Variants in HDGFL2 observed in about 807,000 individuals in gnomAD.
HDGFL2 encodes hepatoma-derived growth factor-related protein 2.
A neutral mutation model predicts 77.1 loss-of-function variants in HDGFL2; 36 were observed. That is an observed-to-expected ratio of 0.47 (90% confidence interval 0.36 to 0.62). HDGFL2 has a LOEUF of 0.62. Among genes scored for constraint, HDGFL2 ranks in the 20% least tolerant of loss-of-function variants. HDGFL2 has a pLI of 0.00. For synonymous variants in HDGFL2, 463 were observed against 413.1 expected (o/e 1.12, Z -1.46); for missense variants, 976 against 973.4 (o/e 1.00, Z -0.04).
In HDGFL2 at chr19:4,475,429, C is replaced by T. The variant is rs146134307; in HGVS notation, c.150-16C>T. 7.0e-5 allele frequency: 113 copies of T among 1,613,880 alleles called. No homozygotes were observed. The African/African-American group carries it at 7.7e-4, about 11-fold the overall frequency. On this transcript the variant is annotated splice_polypyrimidine_tract_variant and intron_variant, in intron 2 of 15. Coordinates refer to ENST00000616600, the MANE Select transcript of HDGFL2 (RefSeq NM_001001520.3). ...GCCTCACTCACCTGGGACTGGCCCC[C>T]GTTTCCCTTCTCCAGAGCCTTCCTG...
chr19:4,480,484 C>T (rs1406156487), intron 3 of HDGFL2, among the ~76,000 whole-genome samples: 2 of 152,156 alleles, frequency 1.3e-5, no homozygotes, highest in Admixed American at 6.5e-5. Context: ...TTTGGGAGGC[C>T]GAGGCAGGTG....
Position 4,494,394 on chromosome 19 carries a change from C to T in HDGFL2, c.1143C>T (p.Val381=), listed in dbSNP as rs1975644151. The T allele has an allele frequency of 7.1e-7, 1 of 1,403,564 alleles. No homozygotes were observed. Among genetic ancestry groups the T allele is most frequent in the Non-Finnish European group, 9.2e-7 (1 of 1,083,204 alleles). 86.9% of individuals were successfully genotyped at this position (1,403,564 alleles called of 1,614,324 possible). ...GDELREDDEP[V]KKRGRKGRGR... is the part of the protein sequence containing the mutation. ...AGCTCAGGGAGGACGATGAGCCCGT[C>T]AAGAAGCGGGGACGCAAGGGCCGGG... The change falls in exon 9 of 16, where the codon GTC becomes GTT. Residue 381 remains valine, a synonymous_variant. Transcript: ENST00000616600.
chr19:4,497,194 G>GT (rs1975727672), intron 10 of HDGFL2: 1 of 432,422 alleles, frequency 2.3e-6, no homozygotes, highest in African/African-American at 2.6e-5. Flanking sequence ...TTTTGTTTTT[G>GT]TTTTTGTTTT....
chr19:4,487,201 C>T (rs561725865), intron 3 of HDGFL2, among the ~76,000 whole-genome samples: 1 of 152,218 alleles, frequency 6.6e-6, no homozygotes, highest in African/African-American at 2.4e-5. Flanking sequence ...CTCCTGACCT[C>T]GTGTTCCACC....
intron 11 of HDGFL2, 116 bp downstream of exon 11, chr19:4,498,147 G>T (rs554175838): frequency 3.3e-6 from 4 of 1,197,268 alleles, no homozygotes; most frequent in African/African-American, 3.0e-5. Flanking sequence ...GCACATCCTC[G>T]GCCGGCCTGG....
chr19:4,491,261 ACCCCC>A (rs1568211761), intron 4 of HDGFL2, among the ~76,000 whole-genome samples: 1 of 22,700 alleles, frequency 4.4e-5, no homozygotes, highest in Non-Finnish European at 8.6e-5. Flanking sequence ...CCACCCCCCC[ACCCCC>A]CCACCCCCCC....
chr19:4,474,041 G>A (rs1188627557), intron 1 of HDGFL2, among the ~76,000 whole-genome samples: 1 of 152,076 alleles, frequency 6.6e-6, no homozygotes, highest in African/African-American at 2.4e-5. Context: ...TCCCAGGTGT[G>A]GAGGGGGTGA....
At chr19:4,488,949 G>A in intron 4 of HDGFL2, 73 bp downstream of exon 4, 1 of 1,042,886 alleles carries the variant, frequency 9.6e-7, no homozygotes, top group Non-Finnish European at 1.3e-6. Flanking sequence ...TTGCTCTCCT[G>A]CCCTTTTTTT....
Position 4,498,937 on chromosome 19 carries a change from C to T in HDGFL2, c.1575+22C>T, listed in dbSNP as rs539407286. On this transcript the variant is annotated intron_variant, in intron 13 of 15. Coordinates refer to ENST00000616600, the MANE Select transcript of HDGFL2 (RefSeq NM_001001520.3). Reference sequence around the variant, plus strand: ...GAAGGTATGGCGGGGGAATCAGAGGCGCAGGGTGCAGTCGGGGGAGCTGGG... The same window carrying T: ...GAAGGTATGGCGGGGGAATCAGAGGTGCAGGGTGCAGTCGGGGGAGCTGGG... 73 of 1,536,792 alleles carry T rather than the reference C, an allele frequency of 4.8e-5. No individual in the cohort carries two copies. The Middle Eastern group carries it at 7.0e-4, about 15-fold the overall frequency.
Position 4,498,000 on chromosome 19 carries a change from C to T in HDGFL2, c.1371C>T (p.Phe457=), listed in dbSNP as rs192383970. 1 of 1,556,700 alleles carries T rather than the reference C, an allele frequency of 6.4e-7. No individual in the cohort carries two copies. The highest frequency in any genetic ancestry group is 8.7e-7 in the Non-Finnish European group (1 of 1,149,822). Residue 457 remains phenylalanine, a synonymous_variant, in exon 11 of 16, where the codon TTC becomes TTT. Coordinates refer to ENST00000616600, the MANE Select transcript of HDGFL2 (RefSeq NM_001001520.3). ...VERTRKRSEG[F]SMDRKVEKKK... ...GGACCCGGAAGCGGTCCGAGGGCTT[C>T]TCGATGGACAGGAAGGTAGAGAAGA...
In HDGFL2 at chr19:4,499,483, G is replaced by A. The variant is rs752931820; in HGVS notation, c.1576-8G>A. On this transcript the variant is annotated splice_polypyrimidine_tract_variant and splice_region_variant and intron_variant, in intron 13 of 15. Coordinates refer to ENST00000616600, the MANE Select transcript of HDGFL2 (RefSeq NM_001001520.3). ...TGGGTGAGCCAGGCCTCTTCTCTTG[G>A]TGGCCAGATTCGCCGTTACAAAGCG... The A allele has an allele frequency of 2.5e-5, 41 of 1,611,378 alleles. No homozygotes were observed. The highest frequency in any genetic ancestry group is 3.4e-5 in the Non-Finnish European group (40 of 1,178,700).
At chr19:4,479,898 T>A (rs1975170638) in intron 3 of HDGFL2, among the ~76,000 whole-genome samples, 1 of 137,832 alleles carries the variant, frequency 7.3e-6, no homozygotes, top group African/African-American at 2.7e-5. Flanking sequence ...AGAATGAGAC[T>A]CTGTCTAAAA....
Position 4,472,419 on chromosome 19 carries a change from C to A in HDGFL2, c.69C>A (p.Ala23=). Residue 23 remains alanine (A), a synonymous_variant, in exon 1 of 16, where the codon GCC becomes GCA. Coordinates refer to ENST00000616600, the MANE Select transcript of HDGFL2 (RefSeq NM_001001520.3). ...TGAAGGGCTACCCTCACTGGCCTGCCAGGGTGAGGCCGCGCGGGAGATGGG... is the reference window on the plus strand; with the variant it reads ...TGAAGGGCTACCCTCACTGGCCTGCAAGGGTGAGGCCGCGCGGGAGATGGG... ...AKMKGYPHWP[A]RIDDIADGAV... is the part of the protein sequence containing the mutation. The A allele has an allele frequency of 8.7e-7, 1 of 1,144,952 alleles. No homozygotes were observed. Among genetic ancestry groups the A allele is most frequent in the Admixed American group, 3.7e-5 (1 of 27,382 alleles). The allele number at this position is 1,144,952 out of a possible 1,614,324, so 70.9% of individuals were successfully genotyped here.
chr19:4,479,929 G>T (rs1030306063), intron 3 of HDGFL2, among the ~76,000 whole-genome samples: 2 of 149,544 alleles, frequency 1.3e-5, no homozygotes, highest in African/African-American at 4.9e-5. Flanking sequence ...AAAAAAATTT[G>T]CTTAGATGCC....
chr19:4,497,904 T>C, intron 10 of HDGFL2, 54 bp from the exon 11 acceptor site: 1 of 1,477,242 alleles, frequency 6.8e-7, no homozygotes, highest in Non-Finnish European at 9.2e-7. Flanking sequence ...CGCCAGCCCC[T>C]CAGTGGCAGA....
intron 4 of HDGFL2, among the ~76,000 whole-genome samples, chr19:4,489,844 A>G (rs143945408): frequency 1.9e-3 from 282 of 152,242 alleles, no homozygotes; most frequent in African/African-American, 6.3e-3. Context: ...AACCATTACC[A>G]TTATTCCAGG....
intron 14 of HDGFL2, 152 bp from the exon 15 acceptor site, chr19:4,501,039 C>T: frequency 3.5e-6 from 3 of 847,438 alleles, no homozygotes; most frequent in South Asian, 1.8e-5. Context: ...CAGGAGCTTG[C>T]AGACTGGACA....
rs34622619 is a variant in HDGFL2, at chr19:4,496,869, C to CTTT, written c.1328+478_1328+480dup. ...CAGACAGAGCCTGTCTCCCAGCTCA[C>CTTT]TTTTTTTTTTTTTTTTGAGATGGAG... On this transcript the variant is annotated intron_variant, in intron 10 of 15. Coordinates refer to ENST00000616600, the MANE Select transcript of HDGFL2 (RefSeq NM_001001520.3). 1,288 of 344,294 alleles carry CTTT rather than the reference C, an allele frequency of 3.7e-3. 2 individuals are homozygous for CTTT. Among genetic ancestry groups the CTTT allele is most frequent in the South Asian group, 4.6e-3 (211 of 45,466 alleles). The allele number at this position is 344,294 out of a possible 1,614,324, so 21.3% of individuals were successfully genotyped here.
At chr19:4,484,149 T>G (rs990027134) in intron 3 of HDGFL2, among the ~76,000 whole-genome samples, 10 of 146,680 alleles carry the variant, frequency 6.8e-5, no homozygotes, top group Admixed American at 6.2e-4. Flanking sequence ...AGTGGTGTGA[T>G]TTCAGCTCAC....
Sources: allele counts gnomAD v4.1 joint callset (sites outside exome capture counted in the v4.1 genomes callset), GRCh38; gene constraint gnomAD v4.1.1; transcripts MANE v1.5; gene names NCBI Gene and HGNC (gene_info 2026-07-23, HGNC 2026-07-21).